Variants in SRPX2 observed in about 807,000 individuals in gnomAD.
SRPX2 encodes the protein sushi repeat-containing protein SRPX2.
In SRPX2, 26 loss-of-function variants were observed where a neutral mutation model predicts 45.3. The ratio of observed to expected loss-of-function variants is 0.57; its 90% CI spans 0.42 to 0.80. The LOEUF (loss-of-function observed/expected upper bound fraction) is 0.80, where lower values mean the gene tolerates loss of function less well. Among genes scored for constraint, SRPX2 ranks in the 30% least tolerant of loss-of-function variants. The pLI is 0.00. For synonymous variants in SRPX2, 125 were observed against 143.7 expected, an observed-to-expected ratio of 0.87 and a Z score of 0.93; for missense variants, 355 against 399.8, an observed-to-expected ratio of 0.89 and a Z score of 0.95.
chrX:100,670,734 T>C lies in SRPX2; in HGVS notation c.1218-73T>C, dbSNP rs968561919. 28 of 1,142,797 alleles carry C rather than the reference T, an allele frequency of 2.5e-5. No homozygotes were observed. The African/African-American group carries it at 4.5e-4, about 18-fold the overall frequency. 94.2% of individuals were successfully genotyped at this position (1,142,797 alleles called of 1,213,427 possible). A position where few individuals can be genotyped will look rare whatever the true frequency, so the allele number is the denominator to read the frequency against. On this transcript the variant is annotated intron_variant, in intron 10 of 10. Transcript: ENST00000373004. ...AGTCCATGAGTGGAGCTGCAAAAAGTCAGAGGGTAGTAGAGCCTGTGGGGA... is the reference window on the plus strand; with the variant it reads ...AGTCCATGAGTGGAGCTGCAAAAAGCCAGAGGGTAGTAGAGCCTGTGGGGA...
At chrX:100,663,817 T>A (rs2083195296) in intron 4 of SRPX2, among the ~76,000 whole-genome samples, 1 of 112,178 alleles carries the variant, frequency 8.9e-6, no homozygotes, top group Non-Finnish European at 1.9e-5. Context: ...GCACATGGAT[T>A]CCTCTTTTAC....
At position 100,662,519 on chromosome X, in the gene SRPX2, C is replaced by A. The variant is rs55796803; in HGVS notation, c.355+152C>A. 0.067 allele frequency: 42,263 copies of A among 634,053 alleles called. 1,349 individuals carry two copies. Among genetic ancestry groups the A allele is most frequent in the Non-Finnish European group, 0.078 (31,669 of 407,205 alleles). 52.3% of individuals were successfully genotyped at this position (634,053 alleles called of 1,213,427 possible). A position where few individuals can be genotyped will look rare whatever the true frequency, so the allele number is the denominator to read the frequency against. ...ATAAGCCCCCCAGCAGGGCCTTTCC[C>A]CATTCTAACATTCGAGTTCCATTTC... On this transcript the variant is annotated intron_variant, in intron 4 of 10. Coordinates refer to ENST00000373004, the MANE Select transcript of SRPX2 (RefSeq NM_014467.3).
chrX:100,664,935 G>A lies in SRPX2; in HGVS notation c.517G>A (p.Glu173Lys), dbSNP rs764018303. ...CMEDGRWSGG[E>K]PVCVDIDPPK... Reference sequence around the variant, plus strand: ...GGAAGATGGGAGATGGAGTGGAGGCGAGCCTGTATGTGTAGGTAAATGCTG... The same window carrying A: ...GGAAGATGGGAGATGGAGTGGAGGCAAGCCTGTATGTGTAGGTAAATGCTG... Residue 173 changes from glutamate to lysine, a missense_variant, in exon 5 of 11, where the codon GAG becomes AAG. Glu to Lys is a moderately conservative substitution (Grantham distance 56, BLOSUM62 1). Transcript: ENST00000373004. The A allele has an allele frequency of 6.6e-6, 8 of 1,210,788 alleles. No homozygotes were observed. The highest frequency in any genetic ancestry group is 4.3e-5 in the Admixed American group (2 of 46,078).
At chrX:100,651,070 A>G in intron 3 of SRPX2, 1 of 424,854 alleles carries the variant, frequency 2.4e-6, no homozygotes, top group Non-Finnish European at 4.1e-6. Context: ...TCCATGTATT[A>G]TTAATCATTA....
chrX:100,647,435 T>C (rs1469282547), intron 2 of SRPX2, among the ~76,000 whole-genome samples: 1 of 112,680 alleles, frequency 8.9e-6, no homozygotes, highest in Non-Finnish European at 1.9e-5. Flanking sequence ...TTCCCCTTTT[T>C]GGCTTAACCT....
chrX:100,669,973 T>C (rs1335737155), intron 10 of SRPX2, among the ~76,000 whole-genome samples: 6 of 110,188 alleles, frequency 5.4e-5, no homozygotes, highest in Non-Finnish European at 9.5e-5. Context: ...GGTTTCGCCA[T>C]ATTGGCCAGG....
At chrX:100,665,464 G>A in intron 6 of SRPX2, 72 bp from the exon 7 acceptor site, 1 of 1,207,760 alleles carries the variant, frequency 8.3e-7, no homozygotes, top group African/African-American at 1.7e-5. Context: ...TAAGGTGACA[G>A]TGGGGATGTG....
intron 1 of SRPX2, among the ~76,000 whole-genome samples, chrX:100,645,769 T>C (rs771455045): frequency 2.0e-4 from 22 of 112,504 alleles, no homozygotes; most frequent in African/African-American, 6.1e-4. Context: ...CAAGACCCTA[T>C]AGCTAATAGG....
rs772928123 is a variant in SRPX2, at chrX:100,646,146, A to AT, written c.-130-46dup. On this transcript the variant is annotated intron_variant, in intron 1 of 10. Coordinates refer to ENST00000373004, the MANE Select transcript of SRPX2 (RefSeq NM_014467.3). ...ATGAAAGATCCTTATGAGGGAGATA[A>AT]TATAAAAGGCATTCATTAATTATAA... 70 of 467,036 alleles carry AT rather than the reference A, an allele frequency of 1.5e-4. No individual in the cohort carries two copies. The African/African-American group carries it at 1.6e-3, about 11-fold the overall frequency. 38.5% of individuals were successfully genotyped at this position (467,036 alleles called of 1,213,427 possible).
At chrX:100,645,010 C>A (rs2083131190) in intron 1 of SRPX2, among the ~76,000 whole-genome samples, 2 of 111,851 alleles carry the variant, frequency 1.8e-5, no homozygotes, top group Non-Finnish European at 3.8e-5. Flanking sequence ...TTCCTTCCCA[C>A]ATCTTTCTAC....
At chrX:100,657,349 CTTT>C (rs1163232018) in intron 3 of SRPX2, among the ~76,000 whole-genome samples, 350 of 28,396 alleles carry the variant, frequency 0.012, 32 homozygotes, top group Non-Finnish European at 0.019. Flanking sequence ...TTATTTATGT[CTTT>C]TTTTTTTTTT....
intron 2 of SRPX2, 78 bp from the exon 3 acceptor site, chrX:100,650,707 T>A: frequency 5.1e-6 from 5 of 973,727 alleles, no homozygotes; most frequent in Non-Finnish European, 7.3e-6. Flanking sequence ...GTGACAAAGT[T>A]GGATGAGAGG....
chrX:100,648,865 C>T (rs776832360), intron 2 of SRPX2, among the ~76,000 whole-genome samples: 6 of 112,208 alleles, frequency 5.3e-5, no homozygotes, highest in Non-Finnish European at 1.1e-4. Flanking sequence ...TCCCTAATCA[C>T]CATCTTCAGT....
At chrX:100,661,727 G>A (rs2147647055) in intron 3 of SRPX2, among the ~76,000 whole-genome samples, 2 of 112,033 alleles carry the variant, frequency 1.8e-5, no homozygotes, top group South Asian at 3.7e-4. Context: ...CTGAGATTAC[G>A]CCACTGCACT....
chrX:100,654,658 A>G (rs1404299929), intron 3 of SRPX2, among the ~76,000 whole-genome samples: 2 of 111,635 alleles, frequency 1.8e-5, no homozygotes, highest in African/African-American at 6.5e-5. Context: ...CCAGGAAACT[A>G]AGCTCAGGGA....
intron 3 of SRPX2, chrX:100,661,034 T>C (rs979849505): frequency 2.7e-5 from 3 of 112,212 alleles, no homozygotes; most frequent in African/African-American, 9.7e-5. Flanking sequence ...CCTTTCTTTA[T>C]AAGAAGGTAG....
At chrX:100,650,379 T>C in intron 2 of SRPX2, 2 of 173,068 alleles carry the variant, frequency 1.2e-5, no homozygotes, top group East Asian at 1.5e-4. Context: ...GGTTCTGTTT[T>C]TGCCTCCTAT....
intron 3 of SRPX2, among the ~76,000 whole-genome samples, chrX:100,660,724 C>T (rs1265498141): frequency 1.8e-5 from 2 of 110,976 alleles, no homozygotes; most frequent in Non-Finnish European, 3.8e-5. Flanking sequence ...GCCTGTAGTC[C>T]CAGCTACTCG....
chrX:100,647,124 A>G (rs7877636), intron 2 of SRPX2, among the ~76,000 whole-genome samples: 5,688 of 111,824 alleles, frequency 0.051, 201 homozygotes, highest in East Asian at 0.12. Flanking sequence ...AGGATAATGA[A>G]GTGGCATACA....
Sources: allele counts gnomAD v4.1 joint callset (sites outside exome capture counted in the v4.1 genomes callset), GRCh38; gene constraint gnomAD v4.1.1; transcripts MANE v1.5; gene names NCBI Gene and HGNC (gene_info 2026-07-23, HGNC 2026-07-21).